Variants in FSTL5 observed in about 807,000 individuals in gnomAD.
FSTL5 encodes follistatin like 5.
In FSTL5, 62 loss-of-function variants were observed where a neutral mutation model predicts 89.1. The observed-to-expected ratio is 0.70, with a 90% CI of 0.57 to 0.86. The LOEUF (loss-of-function observed/expected upper bound fraction) is 0.86, where lower values mean the gene tolerates loss of function less well. Among genes scored for constraint, FSTL5 ranks in the 40% least tolerant of loss-of-function variants. The pLI is 0.00. For missense variants in FSTL5, 1,057 were observed against 1,001.6 expected, an observed-to-expected ratio of 1.06 and a Z score of -0.75; for synonymous variants, 383 against 346.2, an observed-to-expected ratio of 1.11 and a Z score of -1.18.
rs200267192 is a variant in FSTL5, at chr4:161,506,245, T to A, written c.1339+4153A>T. Among the ~76,000 whole-genome samples, 127 of 146,884 alleles carry A rather than the reference T, an allele frequency of 8.6e-4. No homozygotes were observed. In the South Asian group the frequency reaches 0.01, roughly 12 times the overall value. On this transcript the variant is annotated intron_variant, in intron 11 of 15. Coordinates refer to ENST00000306100, the MANE Select transcript of FSTL5 (RefSeq NM_020116.5). ...CATCACGCCCGGCATTTTTTTTTTT[T>A]AATTTTTTGTAGAGACAGGTTTTTG...
chr4:162,052,800 ACT>A (rs1004482045), intron 2 of FSTL5, among the ~76,000 whole-genome samples: 1 of 151,640 alleles, frequency 6.6e-6, no homozygotes, highest in African/African-American at 2.4e-5. Flanking sequence ...CTTAAAATCT[ACT>A]CTCTTAGTTT....
At chr4:161,604,435 T>G (rs1560975063) in intron 7 of FSTL5, among the ~76,000 whole-genome samples, 1 of 151,978 alleles carries the variant, frequency 6.6e-6, no homozygotes, top group African/African-American at 2.4e-5. Context: ...GTTGGAATAA[T>G]GGAAAGTTAT....
At chr4:162,012,504 C>T (rs986838296) in intron 3 of FSTL5, among the ~76,000 whole-genome samples, 3 of 151,850 alleles carry the variant, frequency 2.0e-5, no homozygotes, top group East Asian at 1.9e-4. Flanking sequence ...TCAATTCAAC[C>T]GTATTTCAAA....
At chr4:161,687,000 CA>C (rs1289935942) in intron 6 of FSTL5, among the ~76,000 whole-genome samples, 1 of 151,978 alleles carries the variant, frequency 6.6e-6, no homozygotes, top group Admixed American at 6.6e-5. Context: ...TATCATGAAA[CA>C]AAAAACACAC....
intron 7 of FSTL5, among the ~76,000 whole-genome samples, chr4:161,635,104 A>G (rs1015103012): frequency 1.3e-5 from 2 of 152,130 alleles, no homozygotes; most frequent in African/African-American, 2.4e-5. Flanking sequence ...AATCATATCT[A>G]CTGGCTGGGC....
chr4:161,411,129 C>A (rs116017747), intron 15 of FSTL5, among the ~76,000 whole-genome samples: 1 of 151,938 alleles, frequency 6.6e-6, no homozygotes, highest in Non-Finnish European at 1.5e-5. Flanking sequence ...CTCTCGAGAT[C>A]GAATCAGGAA....
At chr4:161,980,551 C>A (rs536723725) in intron 3 of FSTL5, among the ~76,000 whole-genome samples, 1 of 151,474 alleles carries the variant, frequency 6.6e-6, no homozygotes, top group Admixed American at 6.6e-5. Context: ...TCTCTTTCTT[C>A]CTTGTTTTAT....
chr4:161,460,409 C>T (rs1012359788), intron 13 of FSTL5, among the ~76,000 whole-genome samples: 1 of 87,970 alleles, frequency 1.1e-5, no homozygotes, highest in Non-Finnish European at 2.5e-5. Context: ...TCACAACAGG[C>T]CCGGGTGTGT....
chr4:161,797,663 T>C (rs890755300), intron 4 of FSTL5, among the ~76,000 whole-genome samples: 2 of 151,590 alleles, frequency 1.3e-5, no homozygotes, highest in African/African-American at 4.8e-5. Flanking sequence ...GTGGATTCTG[T>C]AGGCTATTTT....
chr4:161,796,695 T>A (rs1729642061), intron 4 of FSTL5, among the ~76,000 whole-genome samples: 1 of 151,718 alleles, frequency 6.6e-6, no homozygotes, highest in South Asian at 2.1e-4. Flanking sequence ...GAAATGTATG[T>A]GCTCTCTTTT....
At position 161,920,667 on chromosome 4, in the gene FSTL5, A is replaced by AC. The variant is rs749349433; in HGVS notation, c.161-16_161-15insG. 5 of 1,596,692 alleles carry AC rather than the reference A, an allele frequency of 3.1e-6. No homozygotes were observed. The South Asian group carries it at 5.7e-5, about 18-fold the overall frequency. On this transcript the variant is annotated splice_polypyrimidine_tract_variant and intron_variant, in intron 3 of 15. Transcript: ENST00000306100. ...AATCATAAATCCTGAAGAATTAAAA[A>AC]AAAATTGAAAATCGTTTGGTTCATT...
intron 2 of FSTL5, among the ~76,000 whole-genome samples, chr4:162,040,438 A>T (rs1737904398): frequency 6.6e-6 from 1 of 152,056 alleles, no homozygotes; most frequent in Non-Finnish European, 1.5e-5. Flanking sequence ...CCAAAGCCAC[A>T]TACATACACA....
At chr4:162,048,990 A>T (rs961943847) in intron 2 of FSTL5, among the ~76,000 whole-genome samples, 33 of 152,294 alleles carry the variant, frequency 2.2e-4, no homozygotes, top group African/African-American at 7.9e-4. Context: ...CATAATGCTA[A>T]AACTCTTGAA....
chr4:161,749,770 C>T (rs1046266755), intron 6 of FSTL5, among the ~76,000 whole-genome samples: 25 of 149,618 alleles, frequency 1.7e-4, no homozygotes, highest in Admixed American at 7.3e-4. Context: ...CCAGCCTGGG[C>T]GACAGAGCGA....
chr4:161,791,183 G>A (rs568779942), intron 4 of FSTL5, among the ~76,000 whole-genome samples: 8 of 148,284 alleles, frequency 5.4e-5, no homozygotes, highest in Non-Finnish European at 1.0e-4. Context: ...GAATTAGGGA[G>A]ACAGGAAAAT....
chr4:161,632,178 A>G (rs555514049), intron 7 of FSTL5, among the ~76,000 whole-genome samples: 1 of 152,280 alleles, frequency 6.6e-6, no homozygotes, highest in East Asian at 1.9e-4. Context: ...CAGGAGTTTG[A>G]GACCAGCCTG....
chr4:161,690,243 A>G (rs143450194), intron 6 of FSTL5, among the ~76,000 whole-genome samples: 1 of 152,170 alleles, frequency 6.6e-6, no homozygotes, highest in African/African-American at 2.4e-5. Context: ...TAGGGTTCCA[A>G]TTTTCTACCT....
At chr4:161,935,642 G>A (rs575730094) in intron 3 of FSTL5, among the ~76,000 whole-genome samples, 10 of 152,054 alleles carry the variant, frequency 6.6e-5, no homozygotes, top group East Asian at 1.9e-4. Context: ...TTTAAAGCTC[G>A]TGGATATCAA....
chr4:161,417,324 T>G (rs1731824487), intron 15 of FSTL5, among the ~76,000 whole-genome samples: 1 of 152,270 alleles, frequency 6.6e-6, no homozygotes, highest in Non-Finnish European at 1.5e-5. Flanking sequence ...TTCCTGTTAA[T>G]GCAACCTGAG....
Sources: gnomAD v4.1 joint callset for allele counts (sites outside exome capture counted in the v4.1 genomes callset) on GRCh38, gnomAD v4.1.1 for gene constraint, MANE v1.5 for transcripts, NCBI Gene and HGNC (gene_info 2026-07-23, HGNC 2026-07-21) for gene names.